Variants in SNX31 observed in about 807,000 individuals in gnomAD.
The protein encoded by SNX31 is sorting nexin-31.
SNX31 carries 58 observed loss-of-function variants against 65.4 expected under a neutral mutation model. The ratio of observed to expected loss-of-function variants is 0.89; its 90% confidence interval spans 0.72 to 1.10. The LOEUF (loss-of-function observed/expected upper bound fraction) is 1.10. SNX31 is among the 50% of genes least tolerant of loss of function. The pLI is 0.00. For missense variants in SNX31, 523 were observed against 529.7 expected (o/e 0.99, Z 0.12); for synonymous variants, 181 against 190.1 (o/e 0.95, Z 0.39).
chr8:100,584,748 CTTTTTT>C (rs531595486), intron 11 of SNX31, among the ~76,000 whole-genome samples: 1 of 135,460 alleles, frequency 7.4e-6, no homozygotes, highest in Non-Finnish European at 1.6e-5. Flanking sequence ...TTTTCTTTTT[CTTTTTT>C]TTTTTTTTTT....
intron 1 of SNX31, among the ~76,000 whole-genome samples, chr8:100,654,984 G>A (rs1820034209): frequency 1.3e-5 from 2 of 152,196 alleles, no homozygotes; most frequent in Non-Finnish European, 2.9e-5. Context: ...TTGCACTTCA[G>A]CCTGGGTGAC....
Position 100,635,964 on chromosome 8 carries a change from G to T in SNX31, c.189C>A (p.Tyr63Ter). Reference sequence around the variant, plus strand: ...CCATAGCTGTGGTCATTGCCAGATAGTACTTTGGTGGGAAGGGTGGCAGGC... The same window carrying T: ...CCATAGCTGTGGTCATTGCCAGATATTACTTTGGTGGGAAGGGTGGCAGGC... ...GNCLPPFPPK[Y>*]YLAMTTAMAD... The change falls in exon 3 of 14, where the codon TAC becomes TAA. Residue 63 changes from tyrosine (Y) to a stop codon, truncating the protein, a stop_gained. Transcript: ENST00000311812. LOFTEE classifies it high-confidence loss of function. 6.2e-7 allele frequency: 1 copy of T among 1,614,152 alleles called. No homozygotes were observed. The highest frequency in any genetic ancestry group is 8.5e-7 in the Non-Finnish European group (1 of 1,180,014).
In SNX31 at chr8:100,625,591, G is replaced by C. The variant is rs1181472950; in HGVS notation, c.321+4736C>G. On this transcript the variant is annotated intron_variant, in intron 4 of 13. Transcript: ENST00000311812. The surrounding 1 kb of genome is among the most constrained non-coding windows in gnomAD (Gnocchi z 4.2). ...CCTGCCCTCTCTTTAGAAGCAAACA[G>C]AAAACAATGAAAAGGAAAGCATCCT... Among the ~76,000 whole-genome samples, 1 of 152,164 alleles carries C rather than the reference G, an allele frequency of 6.6e-6. No homozygotes were observed. Among genetic ancestry groups the C allele is most frequent in the Non-Finnish European group, 1.5e-5 (1 of 68,016 alleles).
At chr8:100,606,108 T>C (rs1004191205) in intron 8 of SNX31, among the ~76,000 whole-genome samples, 5 of 152,108 alleles carry the variant, frequency 3.3e-5, no homozygotes, top group Admixed American at 2.0e-4. Context: ...TGATCACATC[T>C]TAAGTGACCT....
In SNX31 at chr8:100,611,962, G is replaced by A. The variant is rs759081010; in HGVS notation, c.611+38C>T. On this transcript the variant is annotated intron_variant, in intron 7 of 13. Transcript: ENST00000311812. ...AAGTCCTGATGGGCAATGGCGAAGT[G>A]TCGTCAAACGCCTCTGTCACTTTCA... The A allele has an allele frequency of 2.6e-6, 4 of 1,517,162 alleles. No homozygotes were observed. In the African/African-American group the frequency reaches 4.1e-5, roughly 16 times the overall value. The allele number at this position is 1,517,162 out of a possible 1,614,324, so 94.0% of individuals were successfully genotyped here.
intron 2 of SNX31, among the ~76,000 whole-genome samples, chr8:100,641,083 C>CA (rs35120945): frequency 0.48 from 72,227 of 151,546 alleles, 17,468 homozygotes; most frequent in African/African-American, 0.55. Flanking sequence ...AAAACTGTTT[C>CA]AAAAATTAAG....
chr8:100,645,503 C>T (rs1048721421), intron 2 of SNX31, among the ~76,000 whole-genome samples: 1 of 150,670 alleles, frequency 6.6e-6, no homozygotes, highest in Non-Finnish European at 1.5e-5. Flanking sequence ...ATGGGGCATA[C>T]TTATACTAAA....
intron 1 of SNX31, chr8:100,663,082 C>G (rs1168690890): frequency 6.6e-6 from 1 of 152,184 alleles, no homozygotes; most frequent in Non-Finnish European, 1.5e-5. Context: ...TCCACACAGA[C>G]ACAAAGCTGG....
chr8:100,589,045 G>T, intron 10 of SNX31, 66 bp from the exon 11 acceptor site: 2 of 1,278,284 alleles, frequency 1.6e-6, no homozygotes, highest in Non-Finnish European at 2.2e-6. Context: ...GGGCACGGTG[G>T]CTCACACCTG....
Position 100,627,534 on chromosome 8 carries a change from C to T in SNX31, c.321+2793G>A, listed in dbSNP as rs912962438. Among the ~76,000 whole-genome samples, 4 of 152,114 alleles carry T rather than the reference C, an allele frequency of 2.6e-5. No individual in the cohort carries two copies. In the East Asian group the frequency reaches 5.8e-4, roughly 22 times the overall value. ...GCAAGACATAGGTCTAAAAGAGCAA[C>T]GTCAATTTAAAAAAATTTTTTTTTC... is the stretch of plus-strand genomic sequence containing the variant. On this transcript the variant is annotated intron_variant, in intron 4 of 13. Transcript: ENST00000311812.
At position 100,610,031 on chromosome 8, in the gene SNX31, C is replaced by T. The variant is rs1034493040; in HGVS notation, c.612-1468G>A. Reference sequence around the variant, plus strand: ...CCAGCTCCCATGCGGCAAGACTTCCCTCTGGAAAGAGGGCAAGGCACCTGC... The same window carrying T: ...CCAGCTCCCATGCGGCAAGACTTCCTTCTGGAAAGAGGGCAAGGCACCTGC... On this transcript the variant is annotated intron_variant, in intron 7 of 13. Transcript: ENST00000311812. This position sits in a 1 kb window ranked among gnomAD's most constrained non-coding sequence, Gnocchi z 4.0. Among the ~76,000 whole-genome samples the T allele has an allele frequency of 1.3e-5, 2 of 152,312 alleles. No individual in the cohort carries two copies. Among genetic ancestry groups the T allele is most frequent in the African/African-American group, 4.8e-5 (2 of 41,576 alleles).
Position 100,576,930 on chromosome 8 carries a change from T to G in SNX31, c.1227+89A>C. On this transcript the variant is annotated intron_variant, in intron 13 of 13. Transcript: ENST00000311812. This position sits in a 1 kb window ranked among gnomAD's most constrained non-coding sequence, Gnocchi z 4.8. ...TGAGAAACATAATTCTGACTTATTA[T>G]TGAAAGTGAGATGACTTTGGTTAAA... 4 of 1,066,292 alleles carry G rather than the reference T, an allele frequency of 3.8e-6. No homozygotes were observed. The highest frequency in any genetic ancestry group is 5.6e-6 in the Non-Finnish European group (4 of 714,864). The allele number at this position is 1,066,292 out of a possible 1,614,324, so 66.1% of individuals were successfully genotyped here. A position where few individuals can be genotyped will look rare whatever the true frequency, so the allele number is the denominator to read the frequency against.
chr8:100,657,671 T>A (rs902752746), intron 1 of SNX31: 1 of 455,330 alleles, frequency 2.2e-6, no homozygotes, highest in Non-Finnish European at 4.4e-6. Context: ...AGGGACAAGA[T>A]GGGGATTGGG....
chr8:100,635,794 T>C, intron 3 of SNX31, 103 bp downstream of exon 3: 2 of 735,984 alleles, frequency 2.7e-6, no homozygotes, highest in Non-Finnish European at 4.5e-6. Context: ...ATTAATTACA[T>C]AAATATATTG....
upstream of SNX31, among the ~76,000 whole-genome samples, chr8:100,649,968 A>G (rs1336616620): frequency 6.6e-6 from 1 of 152,230 alleles, no homozygotes; most frequent in African/African-American, 2.4e-5. Context: ...TTGTACTGAC[A>G]TTTGTTAAAT....
Position 100,595,313 on chromosome 8 carries a change from TG to T in SNX31, c.978+1325del, listed in dbSNP as rs745593303. On this transcript the variant is annotated intron_variant, in intron 10 of 13. Coordinates refer to ENST00000311812, the MANE Select transcript of SNX31 (RefSeq NM_152628.4). The stretch of plus-strand genomic sequence containing the variant: ...GAGTGCGGAGATAGAGGGAATTTGT[TG>T]TTTTTTTTTTTTTTTCAGATGGGTC... 5.7e-4 allele frequency among the ~76,000 whole-genome samples: 72 copies of T among 127,252 alleles called. 3 individuals are homozygous for T. Among genetic ancestry groups the T allele is most frequent in the African/African-American group, 1.4e-3 (29 of 20,588 alleles). The allele number at this position is 127,252 out of a possible 152,430, so 83.5% of individuals were successfully genotyped here.
At chr8:100,586,888 C>T (rs543935136) in intron 11 of SNX31, among the ~76,000 whole-genome samples, 1 of 152,282 alleles carries the variant, frequency 6.6e-6, no homozygotes, top group African/African-American at 2.4e-5. Flanking sequence ...AGAACACCTA[C>T]AATTTTGGTT....
intron 1 of SNX31, among the ~76,000 whole-genome samples, chr8:100,662,008 A>T (rs1474317464): frequency 6.6e-6 from 1 of 152,178 alleles, no homozygotes. Flanking sequence ...TATTTTTAGT[A>T]GAGACAGGGT....
intron 10 of SNX31, among the ~76,000 whole-genome samples, chr8:100,595,311 G>GTTTTTT (rs765163460): frequency 1.4e-5 from 2 of 138,784 alleles, no homozygotes. Context: ...GAGGGAATTT[G>GTTTTTT]TTGTTTTTTT....
Sources: gnomAD v4.1 joint callset for allele counts (sites outside exome capture counted in the v4.1 genomes callset) on GRCh38, gnomAD v4.1.1 for gene constraint, Gnocchi (gnomAD v3.1) non-coding constraint, MANE v1.5 for transcripts, NCBI Gene and HGNC (gene_info 2026-07-23, HGNC 2026-07-21) for gene names.